Variants in MCM2 observed in about 807,000 individuals in gnomAD.
MCM2 encodes the protein DNA replication licensing factor MCM2.
A neutral mutation model predicts 86.4 loss-of-function variants in MCM2; 49 were observed. That is an observed-to-expected ratio of 0.57 (90% CI 0.45 to 0.72). The LOEUF is 0.72. Ranked by LOEUF, MCM2 falls within the 30% of genes least tolerant of loss-of-function variation. MCM2 has a pLI of 0.00. For missense variants in MCM2, 1,038 were observed against 1,259.9 expected (o/e 0.82, Z 2.67); for synonymous variants, 475 against 484.6 (o/e 0.98, Z 0.26).
chr3:127,605,153 A>T lies in MCM2; in HGVS notation c.670A>T (p.Lys224Ter), dbSNP rs1222577340. Residue 224 changes from lysine (K) to a stop codon, truncating the protein, a stop_gained, in exon 4 of 16, where the codon AAA becomes TAA. Transcript: ENST00000265056. LOFTEE classifies it high-confidence loss of function. ...CAAGGAGCGCATCAGCGACATGTGC[A>T]AAGGTGTGGCTTCCCTACGCCCCCG... Reference protein sequence around the residue: ...VFKERISDMCKENRESLVVNY... With the variant: ...VFKERISDMC 1 of 1,612,454 alleles carries T rather than the reference A, an allele frequency of 6.2e-7. No homozygotes were observed. Among genetic ancestry groups the T allele is most frequent in the Admixed American group, 1.7e-5 (1 of 60,022 alleles).
chr3:127,621,942 C>G lies in MCM2; in HGVS notation c.*169C>G. On this transcript the variant is annotated 3_prime_UTR_variant, in exon 16 of 16. Transcript: ENST00000265056. ...TGGCATGACTGTTTGTTTCTCCAAGCCTGCTTTGTGCTTCTCACCTTTGGG... is the reference window on the plus strand; with the variant it reads ...TGGCATGACTGTTTGTTTCTCCAAGGCTGCTTTGTGCTTCTCACCTTTGGG... The G allele has an allele frequency of 1.7e-6, 1 of 574,074 alleles. No individual in the cohort carries two copies. The highest frequency in any genetic ancestry group is 2.1e-5 in the South Asian group (1 of 47,518). 35.6% of individuals were successfully genotyped at this position (574,074 alleles called of 1,614,324 possible).
rs1201891506 is a variant in MCM2, at chr3:127,599,350, C to T, written c.39C>T (p.Ser13=). 2 of 1,614,098 alleles carry T rather than the reference C, an allele frequency of 1.2e-6. No individual in the cohort carries two copies. Among genetic ancestry groups the T allele is most frequent in the African/African-American group, 1.3e-5 (1 of 74,948 alleles). Residue 13 remains serine (S), a synonymous_variant, in exon 2 of 16, where the codon AGC becomes AGT. Transcript: ENST00000265056. ...CGGAATCCTTCACCATGGCATCCAG[C>T]CCGGCCCAGCGTCGGCGAGGCAATG... ...ESSESFTMAS[S]PAQRRRGNDP...
intron 7 of MCM2, 126 bp downstream of exon 7, chr3:127,608,642 G>T (rs1443896692): frequency 7.3e-7 from 1 of 1,366,878 alleles, no homozygotes; most frequent in Non-Finnish European, 1.0e-6. Flanking sequence ...GTTTTTGCAT[G>T]GCTGAGGCAA....
At chr3:127,620,300 T>A (rs985003723) in intron 13 of MCM2, among the ~76,000 whole-genome samples, 14 of 152,216 alleles carry the variant, frequency 9.2e-5, no homozygotes, top group African/African-American at 2.9e-4. Flanking sequence ...CTTTACCAAG[T>A]TTTTTCAGAT....
chr3:127,608,502 C>T lies in MCM2; in HGVS notation c.1222C>T (p.Pro408Ser). Reference protein sequence around the residue: ...LLADLVDSCKPGDEIELTGIY... With the variant: ...LLADLVDSCKSGDEIELTGIY... Reference sequence around the variant, plus strand: ...CGCAGATCTGGTGGACAGCTGCAAGCCAGGAGACGAGATAGTAAGTGGCCG... The same window carrying T: ...CGCAGATCTGGTGGACAGCTGCAAGTCAGGAGACGAGATAGTAAGTGGCCG... The change falls in exon 7 of 16, where the codon CCA (proline) becomes TCA (serine). Residue 408 changes from proline to serine, a missense_variant. Pro to Ser is a moderately conservative substitution (Grantham distance 74). Transcript: ENST00000265056. The T allele has an allele frequency of 2.5e-6, 4 of 1,614,152 alleles. No individual in the cohort carries two copies. The highest frequency in any genetic ancestry group is 3.4e-6 in the Non-Finnish European group (4 of 1,180,020).
chr3:127,600,009 G>C (rs1010592562), intron 2 of MCM2, among the ~76,000 whole-genome samples: 4 of 152,238 alleles, frequency 2.6e-5, no homozygotes, highest in Non-Finnish European at 5.9e-5. Context: ...TAAACATGTG[G>C]TGGCTCACAC....
intron 2 of MCM2, among the ~76,000 whole-genome samples, chr3:127,603,461 C>T (rs2107686493): frequency 6.6e-6 from 1 of 151,562 alleles, no homozygotes; most frequent in East Asian, 2.0e-4. Context: ...CGCACCCAGC[C>T]CTTTTGTTTG....
In MCM2 at chr3:127,621,528, C is replaced by T. The variant is rs186817475; in HGVS notation, c.2605-135C>T. The T allele has an allele frequency of 2.0e-4, 131 of 645,032 alleles. No individual in the cohort carries two copies. In the East Asian group the frequency reaches 3.1e-3, roughly 15 times the overall value. 40.0% of individuals were successfully genotyped at this position (645,032 alleles called of 1,614,324 possible). ...CAGCAGAGATTTGAAGCCCCTTAATCGGCCTCTCCACCCCTGGATATTTTC... is the reference window on the plus strand; with the variant it reads ...CAGCAGAGATTTGAAGCCCCTTAATTGGCCTCTCCACCCCTGGATATTTTC... On this transcript the variant is annotated intron_variant, in intron 15 of 15. Transcript: ENST00000265056.
rs930814165 is a variant in MCM2 at position 127,618,353 on chromosome 3, C to T, written c.2013+272C>T. Among the ~76,000 whole-genome samples, 3 of 152,184 alleles carry T rather than the reference C, an allele frequency of 2.0e-5. No homozygotes were observed. The highest frequency in any genetic ancestry group is 4.4e-5 in the Non-Finnish European group (3 of 68,040). ...GCCTACCCACCTCCCTCACTTCTGC[C>T]TCTGACTTGAGGCACTACCATCATC... On this transcript the variant is annotated intron_variant, in intron 12 of 15. Transcript: ENST00000265056. This position sits in a 1 kb window ranked among gnomAD's most constrained non-coding sequence, Gnocchi z 4.0.
At chr3:127,599,994 A>G (rs17538433) in intron 2 of MCM2, among the ~76,000 whole-genome samples, 3 of 152,356 alleles carry the variant, frequency 2.0e-5, no homozygotes, top group African/African-American at 7.2e-5. Context: ...GGTCTTGTTT[A>G]TTAGTAAACA....
In MCM2 at chr3:127,616,975, A is replaced by G. The variant is rs1264465872; in HGVS notation, c.1630A>G (p.Ile544Val). 5.0e-6 allele frequency: 8 copies of G among 1,614,106 alleles called. No individual in the cohort carries two copies. The highest frequency in any genetic ancestry group is 1.3e-5 in the African/African-American group (1 of 74,954). The change falls in exon 10 of 16, where the codon ATC becomes GTC. Residue 544 changes from isoleucine (I) to valine (V), a missense_variant. Physicochemically the swap from Ile to Val is conservative, Grantham distance 29. Around this residue, in one of 4 missense-constraint regions of MCM2, gnomAD observed 399 missense variants for 507.2 expected, o/e 0.79. Coordinates refer to ENST00000265056, the MANE Select transcript of MCM2 (RefSeq NM_004526.4). ...KYIEKVSSRA[I>V]FTTGQGASAV... ...TATTGAGAAAGTGTCCAGCCGAGCC[A>G]TCTTCACCACTGGCCAGGGGGCGTC...
At position 127,599,361 on chromosome 3, in the gene MCM2, G is replaced by A. The variant is rs866230256; in HGVS notation, c.50G>A (p.Arg17His). The change falls in exon 2 of 16, where the codon CGT becomes CAT. Residue 17 changes from arginine (R) to histidine (H), a missense_variant. Coordinates refer to ENST00000265056, the MANE Select transcript of MCM2 (RefSeq NM_004526.4). The part of the protein sequence containing the change: ...SFTMASSPAQ[R>H]RRGNDPLTSS... ...ACCATGGCATCCAGCCCGGCCCAGCGTCGGCGAGGCAATGATCCTCTCACC... is the reference window on the plus strand; with the variant it reads ...ACCATGGCATCCAGCCCGGCCCAGCATCGGCGAGGCAATGATCCTCTCACC... The A allele has an allele frequency of 3.1e-6, 5 of 1,614,138 alleles. No homozygotes were observed. Among genetic ancestry groups the A allele is most frequent in the East Asian group, 2.2e-5 (1 of 44,886 alleles).
Position 127,620,753 on chromosome 3 carries a change from C to A in MCM2, c.2321C>A (p.Ala774Glu), listed in dbSNP as rs774491481. ...VRHIESMIRM[A>E]EAHARIHLRD... The stretch of plus-strand genomic sequence containing the variant: ...CACATCGAGTCCATGATCCGCATGG[C>A]GGAGGCCCACGCGCGCATCCATCTG... The change falls in exon 14 of 16, where the codon GCG becomes GAG. Residue 774 changes from alanine (A) to glutamate (E), a missense_variant. Physicochemically the swap from Ala to Glu is moderately radical, Grantham distance 107. Coordinates refer to ENST00000265056, the MANE Select transcript of MCM2 (RefSeq NM_004526.4). 1.2e-6 allele frequency: 2 copies of A among 1,613,254 alleles called. No individual in the cohort carries two copies. Among genetic ancestry groups the A allele is most frequent in the African/African-American group, 2.7e-5 (2 of 74,950 alleles).
chr3:127,619,804 G>A (rs2074462710), intron 13 of MCM2, among the ~76,000 whole-genome samples: 1 of 152,140 alleles, frequency 6.6e-6, no homozygotes, highest in South Asian at 2.1e-4. Flanking sequence ...ACATAGTGAG[G>A]CCCTTTCTCT....
intron 8 of MCM2, among the ~76,000 whole-genome samples, chr3:127,611,934 C>G (rs1162550581): frequency 6.9e-6 from 1 of 144,308 alleles, no homozygotes; most frequent in Non-Finnish European, 1.5e-5. Context: ...CTCCTGACCT[C>G]GTGATCCGCC....
chr3:127,604,310 T>C (rs1425345036), intron 2 of MCM2: 2 of 352,580 alleles, frequency 5.7e-6, no homozygotes, highest in Admixed American at 8.4e-5. Flanking sequence ...ATAGGATTTG[T>C]CCTTTTGTGC....
rs2074440318 is a variant in MCM2, at chr3:127,617,224, G to T, written c.1774-55G>T. The T allele has an allele frequency of 1.9e-6, 3 of 1,609,128 alleles. No homozygotes were observed. In the East Asian group the frequency reaches 6.7e-5, roughly 36 times the overall value. On this transcript the variant is annotated intron_variant, in intron 10 of 15. Coordinates refer to ENST00000265056, the MANE Select transcript of MCM2 (RefSeq NM_004526.4). The surrounding 1 kb of genome is among the most constrained non-coding windows in gnomAD (Gnocchi z 4.1). ...TGGGGTCCATTGGGACCTCATCGGAGACTTAGTAGTAGGGGCGTGAACCAT... is the reference window on the plus strand; with the variant it reads ...TGGGGTCCATTGGGACCTCATCGGATACTTAGTAGTAGGGGCGTGAACCAT...
intron 8 of MCM2, among the ~76,000 whole-genome samples, chr3:127,609,742 C>G (rs1393691625): frequency 6.6e-6 from 1 of 151,842 alleles, no homozygotes; most frequent in Non-Finnish European, 1.5e-5. Flanking sequence ...GTTTCTCCCA[C>G]ATTACCTCCA....
At chr3:127,601,768 T>C (rs2074308086) in intron 2 of MCM2, among the ~76,000 whole-genome samples, 1 of 152,224 alleles carries the variant, frequency 6.6e-6, no homozygotes, top group Non-Finnish European at 1.5e-5. Flanking sequence ...CAGACTGTTT[T>C]CAAAAGCAGC....
Sources: gnomAD v4.1 joint callset for allele counts (sites outside exome capture counted in the v4.1 genomes callset) on GRCh38, gnomAD v4.1.1 for gene constraint, gnomAD v4.1.1 regional missense constraint, Gnocchi (gnomAD v3.1) non-coding constraint, MANE v1.5 for transcripts, NCBI Gene and HGNC (gene_info 2026-07-23, HGNC 2026-07-21) for gene names.